FAM222B: variants seen among roughly 807,000 people sequenced by gnomAD.
FAM222B encodes the protein family with sequence similarity 222 member B, also known as protein FAM222B.
In FAM222B, 12 loss-of-function variants were observed where a neutral mutation model predicts 38.0. The ratio of observed to expected loss-of-function variants is 0.32; its 90% CI spans 0.20 to 0.51. FAM222B has a LOEUF of 0.51. Ranked by LOEUF, FAM222B falls within the 20% of genes least tolerant of loss-of-function variation. FAM222B has a pLI of 0.97. For synonymous variants in FAM222B, 329 were observed against 317.2 expected (o/e 1.04, Z -0.40); for missense variants, 716 against 754.2 (o/e 0.95, Z 0.59).
chr17:28,842,410 G>C (rs2039075682), intron 1 of FAM222B, among the ~76,000 whole-genome samples: 1 of 152,084 alleles, frequency 6.6e-6, no homozygotes, highest in Non-Finnish European at 1.5e-5. Context: ...GCGGAAAGGA[G>C]AGGCGACCAA....
chr17:28,844,347 C>G (rs1479494376), upstream of FAM222B, among the ~76,000 whole-genome samples: 1 of 152,076 alleles, frequency 6.6e-6, no homozygotes, highest in Non-Finnish European at 1.5e-5. Flanking sequence ...AAGTTGAGTG[C>G]TCAATGAGGA....
intron 1 of FAM222B, among the ~76,000 whole-genome samples, chr17:28,793,582 CTCT>C (rs1467632279): frequency 6.6e-6 from 1 of 151,846 alleles, no homozygotes; most frequent in Non-Finnish European, 1.5e-5. Flanking sequence ...TCCCCCTTTC[CTCT>C]TCTTTCATTG....
chr17:28,769,304 G>A (rs1458362406), intron 1 of FAM222B, among the ~76,000 whole-genome samples: 8 of 144,798 alleles, frequency 5.5e-5, no homozygotes, highest in East Asian at 4.3e-4. Flanking sequence ...TCAGCCTCCC[G>A]AGTAGCTGGG....
chr17:28,786,351 AG>A (rs1201929580), intron 1 of FAM222B, among the ~76,000 whole-genome samples: 1 of 152,232 alleles, frequency 6.6e-6, no homozygotes, highest in African/African-American at 2.4e-5. Flanking sequence ...GACTATACAT[AG>A]GCAAAGGAAA....
At chr17:28,823,900 C>T (rs569371763) in intron 1 of FAM222B, among the ~76,000 whole-genome samples, 102 of 131,420 alleles carry the variant, frequency 7.8e-4, no homozygotes, top group African/African-American at 2.8e-3. Flanking sequence ...TTTTTTGAGA[C>T]GGAGTCTTGC....
At position 28,769,174 on chromosome 17, in the gene FAM222B, CTTTTTTTTTT is replaced by C. The variant is rs35918064; in HGVS notation, c.-40-2477_-40-2468del. ...TATTCTCTATTCAGCAATGTTAGTTCTTTTTTTTTTTTTTTTTTTTTTTGAGATGGAGTCT... is the reference window on the plus strand; with the variant it reads ...TATTCTCTATTCAGCAATGTTAGTTCTTTTTTTTTTTTTGAGATGGAGTCT... On this transcript the variant is annotated intron_variant, in intron 1 of 2. Coordinates refer to ENST00000581407, the MANE Select transcript of FAM222B (RefSeq NM_001077498.3). Among the ~76,000 whole-genome samples, 19 of 82,574 alleles carry C rather than the reference CTTTTTTTTTT, an allele frequency of 2.3e-4. No individual in the cohort carries two copies. In the Admixed American group the frequency reaches 2.5e-3, roughly 11 times the overall value. The allele number at this position is 82,574 out of a possible 152,430, so 54.2% of individuals were successfully genotyped here. A position where few individuals can be genotyped will look rare whatever the true frequency, so the allele number is the denominator to read the frequency against.
rs1335450115 is a variant in FAM222B, at chr17:28,778,706, T to C, written c.-40-11999A>G. ...GTGTGTGTGTGTGTGTGTATATATA[T>C]ATATATATATATATTTTTTTTTTTT... is the stretch of plus-strand genomic sequence containing the variant. On this transcript the variant is annotated intron_variant, in intron 1 of 2. Coordinates refer to ENST00000581407, the MANE Select transcript of FAM222B (RefSeq NM_001077498.3). 3.7e-5 allele frequency among the ~76,000 whole-genome samples: 3 copies of C among 80,502 alleles called. No homozygotes were observed. In the Admixed American group the frequency reaches 4.4e-4, roughly 12 times the overall value. The allele number at this position is 80,502 out of a possible 152,430, so 52.8% of individuals were successfully genotyped here.
upstream of FAM222B, among the ~76,000 whole-genome samples, chr17:28,847,530 G>T (rs945122980): frequency 6.6e-6 from 1 of 151,948 alleles, no homozygotes; most frequent in African/African-American, 2.4e-5. Flanking sequence ...GGAAGTGGAG[G>T]TTGCAGTGAG....
intron 1 of FAM222B, chr17:28,767,082 T>A (rs1216111130): frequency 6.0e-6 from 1 of 168,024 alleles, no homozygotes; most frequent in African/African-American, 2.4e-5. Context: ...AGCCAGACAT[T>A]TTCAGAAGCA....
intron 1 of FAM222B, among the ~76,000 whole-genome samples, chr17:28,819,819 AT>A (rs2038149930): frequency 6.6e-6 from 1 of 152,232 alleles, no homozygotes; most frequent in African/African-American, 2.4e-5. Context: ...AGAAAATAAA[AT>A]TACTCAACTG....
At chr17:28,787,222 C>A (rs1050652598) in intron 1 of FAM222B, among the ~76,000 whole-genome samples, 3 of 152,136 alleles carry the variant, frequency 2.0e-5, no homozygotes, top group African/African-American at 7.2e-5. Flanking sequence ...CCATGCCCAG[C>A]CCCCACTGTA....
At chr17:28,798,032 G>A (rs2037026785) in intron 1 of FAM222B, among the ~76,000 whole-genome samples, 1 of 152,078 alleles carries the variant, frequency 6.6e-6, no homozygotes, top group African/African-American at 2.4e-5. Context: ...ACTCCAGCCT[G>A]GGTGACAGTG....
intron 1 of FAM222B, chr17:28,802,762 G>A (rs2037297970): frequency 6.4e-6 from 1 of 155,206 alleles, no homozygotes; most frequent in South Asian, 2.0e-4. Flanking sequence ...TCTATACTTT[G>A]GTTACTTATG....
chr17:28,816,833 T>A (rs2038044462), intron 1 of FAM222B, among the ~76,000 whole-genome samples: 1 of 152,186 alleles, frequency 6.6e-6, no homozygotes, highest in Non-Finnish European at 1.5e-5. Context: ...TGTGGTAATT[T>A]TTTTTAAGGG....
intron 1 of FAM222B, among the ~76,000 whole-genome samples, chr17:28,826,029 C>G (rs1047144362): frequency 6.6e-6 from 1 of 151,614 alleles, no homozygotes; most frequent in African/African-American, 2.4e-5. Flanking sequence ...CCACCTCGGC[C>G]TCCCAAAGTG....
chr17:28,762,643 A>G (rs994326582), intron 2 of FAM222B, among the ~76,000 whole-genome samples: 1 of 139,834 alleles, frequency 7.2e-6, no homozygotes, highest in East Asian at 2.2e-4. Flanking sequence ...AAAAAAAAAA[A>G]AAAAAGTTTT....
chr17:28,845,102 A>G (rs1016902877), upstream of FAM222B, among the ~76,000 whole-genome samples: 5 of 151,348 alleles, frequency 3.3e-5, no homozygotes, highest in African/African-American at 4.9e-5. Context: ...ACTCCATCTC[A>G]ATTAAAAAAA....
chr17:28,779,453 C>CA (rs541431559), intron 1 of FAM222B, among the ~76,000 whole-genome samples: 192 of 152,116 alleles, frequency 1.3e-3, no homozygotes, highest in African/African-American at 4.5e-3. Context: ...ACAACAGATG[C>CA]AAAAAAGCAT....
Position 28,770,242 on chromosome 17 carries a change from G to A in FAM222B, c.-40-3535C>T, listed in dbSNP as rs2035558727. 2.0e-5 allele frequency among the ~76,000 whole-genome samples: 3 copies of A among 152,216 alleles called. No homozygotes were observed. In the South Asian group the frequency reaches 6.2e-4, roughly 32 times the overall value. On this transcript the variant is annotated intron_variant, in intron 1 of 2. Transcript: ENST00000581407. ...AAGCATCATCTACTAACACTTACGA[G>A]GCTCTCCATAAGTAACTGTTGACCA...
Sources: allele counts gnomAD v4.1 joint callset (sites outside exome capture counted in the v4.1 genomes callset), GRCh38; gene constraint gnomAD v4.1.1; transcripts MANE v1.5; gene names NCBI Gene and HGNC (gene_info 2026-07-23, HGNC 2026-07-21).